ST3GAL3: variants seen among roughly 807,000 people sequenced by gnomAD.
ST3GAL3 encodes ST3 beta-galactoside alpha-2,3-sialyltransferase 3, also known as CMP-N-acetylneuraminate-beta-1,4-galactoside alpha-2,3-sialyltransferase.
A neutral mutation model predicts 50.1 loss-of-function variants in ST3GAL3; 21 were observed. That is an observed-to-expected ratio of 0.42 (90% CI 0.30 to 0.60). The LOEUF is 0.60. Among genes scored for constraint, ST3GAL3 ranks in the 20% least tolerant of loss-of-function variants. ST3GAL3 has a pLI of 0.19. For synonymous variants in ST3GAL3, 183 were observed against 190.0 expected (o/e 0.96, Z 0.30); for missense variants, 353 against 489.4 (o/e 0.72, Z 2.63).
chr1:43,729,882 A>G (rs1341311104), intron 1 of ST3GAL3, among the ~76,000 whole-genome samples: 1 of 152,224 alleles, frequency 6.6e-6, no homozygotes, highest in African/African-American at 2.4e-5. Context: ...ATTGGGTTAA[A>G]GGGTTAAAAG....
chr1:43,790,960 A>G (rs1035967450), intron 2 of ST3GAL3, among the ~76,000 whole-genome samples: 1 of 152,236 alleles, frequency 6.6e-6, no homozygotes, highest in African/African-American at 2.4e-5. Flanking sequence ...TAAGGCCCAC[A>G]AGAGAAAGTT....
At chr1:43,836,476 C>G (rs548554265) in intron 4 of ST3GAL3, among the ~76,000 whole-genome samples, 2 of 152,180 alleles carry the variant, frequency 1.3e-5, no homozygotes, top group Middle Eastern at 3.2e-3. Context: ...GGGCTAGGCC[C>G]GAGGGGTCTG....
chr1:43,834,885 GT>G (rs1323372886), intron 4 of ST3GAL3, among the ~76,000 whole-genome samples: 1 of 152,202 alleles, frequency 6.6e-6, no homozygotes, highest in Non-Finnish European at 1.5e-5. Context: ...AGTGTCCTCT[GT>G]GACAGTTTCT....
chr1:43,715,657 G>A (rs984434745), intron 1 of ST3GAL3, among the ~76,000 whole-genome samples: 1 of 151,928 alleles, frequency 6.6e-6, no homozygotes, highest in East Asian at 1.9e-4. Flanking sequence ...AAGCATGGTG[G>A]CACATCCCTG....
chr1:43,805,944 C>T (rs759808050), intron 3 of ST3GAL3, among the ~76,000 whole-genome samples: 2 of 152,154 alleles, frequency 1.3e-5, no homozygotes, highest in South Asian at 2.1e-4. Context: ...CCGTGTTGGT[C>T]AGGCTGGTCT....
chr1:43,798,400 C>T (rs2058936554), intron 3 of ST3GAL3, among the ~76,000 whole-genome samples: 1 of 152,202 alleles, frequency 6.6e-6, no homozygotes, highest in African/African-American at 2.4e-5. Context: ...AAACTTGTCC[C>T]TCCTTCCTGA....
At chr1:43,729,752 G>A (rs1446995194) in intron 1 of ST3GAL3, among the ~76,000 whole-genome samples, 1 of 152,210 alleles carries the variant, frequency 6.6e-6, no homozygotes, top group Non-Finnish European at 1.5e-5. Context: ...AAGGACATTT[G>A]GAGTACATTG....
intron 2 of ST3GAL3, among the ~76,000 whole-genome samples, chr1:43,750,963 C>T (rs11584382): frequency 0.32 from 48,976 of 151,716 alleles, 8,206 homozygotes; most frequent in African/African-American, 0.41. Context: ...AGATGAACAA[C>T]AAGCCAGGAA....
intron 2 of ST3GAL3, among the ~76,000 whole-genome samples, chr1:43,755,181 AC>A (rs1176574258): frequency 6.6e-6 from 1 of 152,160 alleles, no homozygotes; most frequent in Non-Finnish European, 1.5e-5. Flanking sequence ...AAAAAGAACA[AC>A]CCCAGTAGAA....
At chr1:43,780,854 A>G (rs532463607) in intron 2 of ST3GAL3, among the ~76,000 whole-genome samples, 2 of 150,748 alleles carry the variant, frequency 1.3e-5, no homozygotes, top group East Asian at 1.9e-4. Flanking sequence ...CAGTTTTTCC[A>G]TGTTGCATTT....
intron 3 of ST3GAL3, chr1:43,801,547 T>TAC (rs1172994302): frequency 3.7e-5 from 13 of 355,778 alleles, no homozygotes; most frequent in Non-Finnish European, 6.2e-5. Flanking sequence ...AGAATGTAGG[T>TAC]AGGAAGTAAT....
At chr1:43,815,010 C>T in intron 4 of ST3GAL3, 77 bp downstream of exon 4, 2 of 1,396,466 alleles carry the variant, frequency 1.4e-6, no homozygotes, top group East Asian at 2.3e-5. Context: ...GAAGGGTCAG[C>T]TCTCATCACT....
intron 5 of ST3GAL3, among the ~76,000 whole-genome samples, chr1:43,891,293 G>A (rs975060069): frequency 1.3e-5 from 2 of 152,216 alleles, no homozygotes; most frequent in Non-Finnish European, 2.9e-5. Context: ...TGATTGGCTG[G>A]GCTCAGTGGC....
At chr1:43,781,989 A>G (rs563362293) in intron 2 of ST3GAL3, among the ~76,000 whole-genome samples, 6 of 152,008 alleles carry the variant, frequency 3.9e-5, no homozygotes, top group East Asian at 1.9e-4. Flanking sequence ...TCAGCTCCCT[A>G]TTTTTTCAGT....
chr1:43,814,546 A>G (rs1366658170), intron 3 of ST3GAL3, among the ~76,000 whole-genome samples: 1 of 152,204 alleles, frequency 6.6e-6, no homozygotes, highest in Non-Finnish European at 1.5e-5. Context: ...TAGAGGAAGC[A>G]GATACTGCAT....
intron 2 of ST3GAL3, among the ~76,000 whole-genome samples, chr1:43,779,555 G>A (rs529574223): frequency 5.3e-5 from 8 of 152,264 alleles, no homozygotes; most frequent in South Asian, 4.2e-4. Context: ...AATAACAAGT[G>A]TATGTTGCCA....
intron 2 of ST3GAL3, among the ~76,000 whole-genome samples, chr1:43,743,010 A>G (rs1024259325): frequency 6.6e-6 from 1 of 151,532 alleles, no homozygotes; most frequent in Non-Finnish European, 1.5e-5. Flanking sequence ...AGGCAGGAGA[A>G]TTGCTTGAGG....
chr1:43,741,818 A>C (rs773914934), intron 2 of ST3GAL3, among the ~76,000 whole-genome samples: 4 of 152,234 alleles, frequency 2.6e-5, no homozygotes, highest in Non-Finnish European at 5.9e-5. Flanking sequence ...ACTCGAGGTG[A>C]GCGCCACATT....
intron 6 of ST3GAL3, among the ~76,000 whole-genome samples, chr1:43,897,185 T>A (rs1461490976): frequency 6.6e-6 from 1 of 152,026 alleles, no homozygotes; most frequent in East Asian, 1.9e-4. Context: ...CTGGAGCAAG[T>A]GTGTGACTTT....
Sources: allele counts gnomAD v4.1 joint callset (sites outside exome capture counted in the v4.1 genomes callset), GRCh38; gene constraint gnomAD v4.1.1; transcripts MANE v1.5; gene names NCBI Gene and HGNC (gene_info 2026-07-23, HGNC 2026-07-21).